The following STRAP variants were observed in gnomAD, a reference collection of about 807,000 sequenced individuals.
STRAP encodes serine-threonine kinase receptor-associated protein.
In STRAP, 16 loss-of-function variants were observed where a neutral mutation model predicts 47.0. The ratio of observed to expected loss-of-function variants is 0.34; its 90% CI spans 0.23 to 0.52. The LOEUF (loss-of-function observed/expected upper bound fraction) is 0.52, where lower values mean the gene tolerates loss of function less well. Among genes scored for constraint, STRAP ranks in the 20% least tolerant of loss-of-function variants. STRAP has a pLI of 0.96. For synonymous variants in STRAP, 130 were observed against 142.7 expected, an observed-to-expected ratio of 0.91 and a Z score of 0.63; for missense variants, 293 against 420.0, an observed-to-expected ratio of 0.70 and a Z score of 2.64.
At chr12:15,885,506 T>TA (rs1555144807) in intron 2 of STRAP, among the ~76,000 whole-genome samples, 33 of 150,674 alleles carry the variant, frequency 2.2e-4, no homozygotes, top group African/African-American at 7.1e-4. Context: ...TTTTTTTTTT[T>TA]AACAACCTCA....
chr12:15,900,010 T>A lies in STRAP; in HGVS notation c.882T>A (p.Thr294=). ...ATGGAACATTGAGACTATGGCAAAC[T>A]GTGGTAGGAAAAACGTATGGCCTTT... ...SEDGTLRLWQ[T]VVGKTYGLWK... The change falls in exon 8 of 10, where the codon ACT becomes ACA. Residue 294 remains threonine, a synonymous_variant. Coordinates refer to ENST00000419869, the MANE Select transcript of STRAP (RefSeq NM_007178.4). 1 of 1,613,828 alleles carries A rather than the reference T, an allele frequency of 6.2e-7. No individual in the cohort carries two copies. The highest frequency in any genetic ancestry group is 8.5e-7 in the Non-Finnish European group (1 of 1,179,848).
chr12:15,900,176 A>G, intron 8 of STRAP, 123 bp downstream of exon 8: 1 of 1,032,796 alleles, frequency 9.7e-7, no homozygotes, highest in Non-Finnish European at 1.4e-6. Flanking sequence ...TTATGGTTTA[A>G]GCAGCGAGAA....
intron 2 of STRAP, among the ~76,000 whole-genome samples, chr12:15,885,356 T>G (rs889368540): frequency 6.6e-6 from 1 of 151,900 alleles, no homozygotes; most frequent in South Asian, 2.1e-4. Context: ...GCCTGGCTAA[T>G]TTTTGTATAT....
Position 15,890,014 on chromosome 12 carries a change from C to T in STRAP, c.330+5C>T. ...AAGACTGTGGATTTCACGCAGGTAT[C>T]AGAAAATGGAATTTATTTTAGCGAG... On this transcript the variant is annotated splice_donor_5th_base_variant and intron_variant, in intron 3 of 9. Coordinates refer to ENST00000419869, the MANE Select transcript of STRAP (RefSeq NM_007178.4). The surrounding 1 kb of genome is among the most constrained non-coding windows in gnomAD (Gnocchi z 4.5). 6.2e-7 allele frequency: 1 copy of T among 1,613,108 alleles called. No individual in the cohort carries two copies. The highest frequency in any genetic ancestry group is 2.2e-5 in the East Asian group (1 of 44,818).
intron 1 of STRAP, 95 bp downstream of exon 1, chr12:15,882,914 A>C: frequency 3.6e-6 from 5 of 1,381,118 alleles, no homozygotes; most frequent in Non-Finnish European, 5.0e-6. Context: ...TGGTGTGGTG[A>C]GGGGGGAGGG....
chr12:15,894,075 T>C lies in STRAP; in HGVS notation c.432T>C (p.Ser144=), dbSNP rs1948039910. The C allele has an allele frequency of 2.5e-6, 4 of 1,613,532 alleles. No individual in the cohort carries two copies. In the African/African-American group the frequency reaches 5.3e-5, roughly 22 times the overall value. The change falls in exon 5 of 10, where the codon TCT becomes TCC. Residue 144 remains serine, a synonymous_variant. Transcript: ENST00000419869. This position sits in a 1 kb window ranked among gnomAD's most constrained non-coding sequence, Gnocchi z 4.9. ...CTAAGGAAATTAGTGGTCATACTTC[T>C]GGTATAAAAAAAGCTCTGTGGTGCA... The part of the protein sequence containing the change: ...AEPKEISGHT[S]GIKKALWCSE...
At chr12:15,886,690 A>G (rs1163597858) in intron 2 of STRAP, among the ~76,000 whole-genome samples, 2 of 151,732 alleles carry the variant, frequency 1.3e-5, no homozygotes, top group East Asian at 3.9e-4. Context: ...CCAAGAAGTT[A>G]CTCCCCACAG....
At chr12:15,885,574 C>G (rs926425546) in intron 2 of STRAP, among the ~76,000 whole-genome samples, 4 of 150,498 alleles carry the variant, frequency 2.7e-5, no homozygotes, top group African/African-American at 9.8e-5. Flanking sequence ...TTAAACATAC[C>G]AATTTTAGAA....
At chr12:15,895,338 A>G in intron 5 of STRAP, 21 bp from the exon 6 acceptor site, 1 of 1,505,678 alleles carries the variant, frequency 6.6e-7, no homozygotes, top group African/African-American at 1.4e-5. Flanking sequence ...TAAACATCAT[A>G]TTTTTATCTT....
chr12:15,893,565 T>C (rs1423855301), intron 4 of STRAP, among the ~76,000 whole-genome samples: 3 of 147,468 alleles, frequency 2.0e-5, no homozygotes, highest in East Asian at 1.9e-4. Context: ...ATTATACTTA[T>C]ACAATTATAC....
chr12:15,882,738 T>C lies in STRAP; in HGVS notation c.31T>C (p.Ser11Pro). 2.5e-6 allele frequency: 4 copies of C among 1,613,136 alleles called. No homozygotes were observed. Among genetic ancestry groups the C allele is most frequent in the Non-Finnish European group, 3.4e-6 (4 of 1,179,848 alleles). MAMRQTPLTC[S>P]GHTRPVVDLA... Reference sequence around the variant, plus strand: ...AATGAGACAGACGCCGCTCACCTGCTCTGGCCACACGCGACCCGTGGTTGA... The same window carrying C: ...AATGAGACAGACGCCGCTCACCTGCCCTGGCCACACGCGACCCGTGGTTGA... Residue 11 changes from serine (S) to proline (P), a missense_variant, in exon 1 of 10, where the codon TCT becomes CCT. Coordinates refer to ENST00000419869, the MANE Select transcript of STRAP (RefSeq NM_007178.4).
At position 15,887,624 on chromosome 12, in the gene STRAP, C is replaced by T. The variant is rs974380004; in HGVS notation, c.249-2304C>T. 6.6e-6 allele frequency among the ~76,000 whole-genome samples: 1 copy of T among 152,170 alleles called. No individual in the cohort carries two copies. On this transcript the variant is annotated intron_variant, in intron 2 of 9. Transcript: ENST00000419869. This position sits in a 1 kb window ranked among gnomAD's most constrained non-coding sequence, Gnocchi z 5.5. ...TGTTTCTAAATAGGAGGAAAAACTA[C>T]AGACACATTACCTCTCTGGTTAATA...
At position 15,890,573 on chromosome 12, in the gene STRAP, T is replaced by G. The variant is rs1223121460; in HGVS notation, c.331-24T>G. ...ATAACTATTAAAATGGTTAATCTAT[T>G]CACATTTTACTTTGTGTTTTCAGGA... On this transcript the variant is annotated intron_variant, in intron 3 of 9. Transcript: ENST00000419869. This position sits in a 1 kb window ranked among gnomAD's most constrained non-coding sequence, Gnocchi z 4.5. 2 of 1,565,870 alleles carry G rather than the reference T, an allele frequency of 1.3e-6. No individual in the cohort carries two copies. The highest frequency in any genetic ancestry group is 1.7e-6 in the Non-Finnish European group (2 of 1,143,954).
At chr12:15,889,437 GCCT>G (rs879312212) in intron 2 of STRAP, among the ~76,000 whole-genome samples, 1,779 of 152,132 alleles carry the variant, frequency 0.012, 34 homozygotes, top group East Asian at 0.048. Flanking sequence ...ATTTTACTTA[GCCT>G]GTACCAAGGC....
intron 2 of STRAP, among the ~76,000 whole-genome samples, chr12:15,885,192 T>G (rs867184458): frequency 1.4e-4 from 21 of 148,722 alleles, no homozygotes; most frequent in East Asian, 1.2e-3. Context: ...TTTTTTTTTT[T>G]TTTTTTTTTT....
chr12:15,888,550 G>A (rs531368529), intron 2 of STRAP, among the ~76,000 whole-genome samples: 5 of 152,254 alleles, frequency 3.3e-5, no homozygotes, highest in African/African-American at 1.2e-4. Context: ...TGTATCATGA[G>A]CATTCCTGTT....
rs1040869336 is a variant in STRAP at position 15,896,235 on chromosome 12, A to AAAAAAAC, written c.638+753_638+759dup. On this transcript the variant is annotated intron_variant, in intron 6 of 9. Coordinates refer to ENST00000419869, the MANE Select transcript of STRAP (RefSeq NM_007178.4). The surrounding 1 kb of genome is among the most constrained non-coding windows in gnomAD (Gnocchi z 4.1). ...GGTAACAGAGTGAGACTCTGTCTCA[A>AAAAAAAC]AAAAAACAAAAAACAAAAAAACAGT... Among the ~76,000 whole-genome samples, 1 of 152,272 alleles carries AAAAAAAC rather than the reference A, an allele frequency of 6.6e-6. No homozygotes were observed. The highest frequency in any genetic ancestry group is 2.4e-5 in the African/African-American group (1 of 41,544).
chr12:15,883,110 C>A (rs1011774003), intron 1 of STRAP: 11 of 1,535,516 alleles, frequency 7.2e-6, no homozygotes, highest in African/African-American at 1.4e-5. Context: ...CCTAGACTCT[C>A]GGGACAACAC....
At position 15,890,006 on chromosome 12, in the gene STRAP, G is replaced by A. The variant is rs565923556; in HGVS notation, c.327G>A (p.Thr109=). The change falls in exon 3 of 10, where the codon ACG becomes ACA. Residue 109 remains threonine (T), a synonymous_variant. Coordinates refer to ENST00000419869, the MANE Select transcript of STRAP (RefSeq NM_007178.4). This position sits in a 1 kb window ranked among gnomAD's most constrained non-coding sequence, Gnocchi z 4.5. Reference sequence around the variant, plus strand: ...ACATTGTCAAGACTGTGGATTTCACGCAGGTATCAGAAAATGGAATTTATT... The same window carrying A: ...ACATTGTCAAGACTGTGGATTTCACACAGGTATCAGAAAATGGAATTTATT... ...HKHIVKTVDF[T]QDSNYLLTGG... 1.7e-5 allele frequency: 28 copies of A among 1,613,254 alleles called. No homozygotes were observed. The highest frequency in any genetic ancestry group is 4.5e-5 in the East Asian group (2 of 44,814).
Sources: allele counts gnomAD v4.1 joint callset (sites outside exome capture counted in the v4.1 genomes callset), GRCh38; gene constraint gnomAD v4.1.1; non-coding constraint Gnocchi (gnomAD v3.1); transcripts MANE v1.5; gene names NCBI Gene and HGNC (gene_info 2026-07-23, HGNC 2026-07-21).